Variants in RICTOR observed in about 807,000 individuals in gnomAD.
The protein encoded by RICTOR is rapamycin-insensitive companion of mTOR.
Under a neutral mutation model 214.9 loss-of-function variants are expected in RICTOR, and 49 were observed. That is an observed-to-expected ratio of 0.23 (90% CI 0.18 to 0.29). RICTOR has a LOEUF of 0.29. Ranked by LOEUF, RICTOR falls within the 10% of genes least tolerant of loss-of-function variation. The pLI, the probability that RICTOR is intolerant of heterozygous loss-of-function variation, is 1.00. For missense variants in RICTOR, 1,625 were observed against 2,047.0 expected (o/e 0.79, Z 3.98); for synonymous variants, 717 against 711.3 (o/e 1.01, Z -0.13).
At chr5:38,945,421 A>G in intron 34 of RICTOR, 70 bp downstream of exon 34, 1 of 1,074,390 alleles carries the variant, frequency 9.3e-7, no homozygotes, top group Non-Finnish European at 1.4e-6. Flanking sequence ...CCAAAAAGAA[A>G]TTTGGAAAAG....
chr5:39,030,710 C>T (rs1296313176), intron 2 of RICTOR, among the ~76,000 whole-genome samples: 1 of 152,098 alleles, frequency 6.6e-6, no homozygotes, highest in Non-Finnish European at 1.5e-5. Context: ...CTCTGCCACA[C>T]AGTAGGCTTT....
chr5:38,997,082 C>G (rs1225563719), intron 5 of RICTOR, among the ~76,000 whole-genome samples, 200 bp from the exon 6 acceptor site: 1 of 151,902 alleles, frequency 6.6e-6, no homozygotes, highest in Non-Finnish European at 1.5e-5. Context: ...TTTAAAAGAC[C>G]AATTTTTTCT....
chr5:38,946,662 G>A (rs1451874679), intron 32 of RICTOR, 110 bp from the exon 33 acceptor site: 1 of 665,946 alleles, frequency 1.5e-6, no homozygotes, highest in Non-Finnish European at 2.6e-6. Flanking sequence ...CATAGCATAT[G>A]AACCTATAAT....
intron 5 of RICTOR, 61 bp from the exon 6 acceptor site, chr5:38,996,943 C>T (rs2548796): frequency 0.029 from 32,420 of 1,115,092 alleles, 966 homozygotes; most frequent in African/African-American, 0.1. Context: ...TTTTGTATCA[C>T]AATACTGATA....
At chr5:39,027,112 A>T (rs2150144700) in intron 2 of RICTOR, among the ~76,000 whole-genome samples, 1 of 152,312 alleles carries the variant, frequency 6.6e-6, no homozygotes, top group African/African-American at 2.4e-5. Flanking sequence ...CAAGAGATTT[A>T]TTTTCTTGAC....
At chr5:39,034,816 A>G (rs187547740) in intron 2 of RICTOR, among the ~76,000 whole-genome samples, 7,469 of 152,316 alleles carry the variant, frequency 0.049, 344 homozygotes, top group African/African-American at 0.12. Flanking sequence ...AAAGCAGCCC[A>G]GAAGCTCGAA....
intron 5 of RICTOR, among the ~76,000 whole-genome samples, chr5:39,001,969 T>C (rs1444421521): frequency 6.6e-6 from 1 of 152,090 alleles, no homozygotes; most frequent in Admixed American, 6.5e-5. Flanking sequence ...TACATGTACC[T>C]TATAACCCAG....
chr5:39,062,664 C>T (rs1325430490), intron 2 of RICTOR, among the ~76,000 whole-genome samples: 1 of 152,124 alleles, frequency 6.6e-6, no homozygotes, highest in Non-Finnish European at 1.5e-5. Flanking sequence ...ATCTGACAAG[C>T]TGTTCCTTCT....
intron 11 of RICTOR, chr5:38,969,890 TCTC>T: frequency 6.6e-6 from 1 of 152,116 alleles, no homozygotes; most frequent in Admixed American, 6.6e-5. Context: ...ATGGTCTCGA[TCTC>T]CTGATCTCAT....
chr5:39,067,703 A>G (rs575535727), intron 2 of RICTOR, among the ~76,000 whole-genome samples: 1 of 152,318 alleles, frequency 6.6e-6, no homozygotes. Context: ...GCCACCTTTT[A>G]CACATTTATA....
intron 7 of RICTOR, among the ~76,000 whole-genome samples, chr5:38,983,610 G>A (rs1466747579): frequency 6.6e-6 from 1 of 152,140 alleles, no homozygotes; most frequent in Non-Finnish European, 1.5e-5. Context: ...AATTATCTAT[G>A]TATCTAGGCA....
chr5:39,030,712 G>T (rs1372779033), intron 2 of RICTOR, among the ~76,000 whole-genome samples: 1 of 152,120 alleles, frequency 6.6e-6, no homozygotes, highest in Non-Finnish European at 1.5e-5. Context: ...CTGCCACACA[G>T]TAGGCTTTCA....
At chr5:38,946,697 CAA>C (rs1314475982) in intron 32 of RICTOR, 145 bp from the exon 33 acceptor site, 4 of 588,990 alleles carry the variant, frequency 6.8e-6, no homozygotes, top group Non-Finnish European at 9.1e-6. Flanking sequence ...GTTCAACTAC[CAA>C]AACTTAACAA....
In RICTOR at chr5:38,939,468, A is replaced by G. The variant is rs1463785316; in HGVS notation, c.*2836T>C. On this transcript the variant is annotated 3_prime_UTR_variant, in exon 38 of 38. Coordinates refer to ENST00000357387, the MANE Select transcript of RICTOR (RefSeq NM_152756.5). ...GAGAACAGACTGTTTCCCCCTTCCA[A>G]TCTACCTAAGAATAAACAGGAAATA... 8.6e-6 allele frequency: 2 copies of G among 232,112 alleles called. No individual in the cohort carries two copies. Among genetic ancestry groups the G allele is most frequent in the African/African-American group, 4.4e-5 (2 of 45,286 alleles). 14.4% of individuals were successfully genotyped at this position (232,112 alleles called of 1,614,324 possible).
intron 23 of RICTOR, 41 bp downstream of exon 23, chr5:38,958,625 CA>C (rs747244184): frequency 3.9e-6 from 6 of 1,523,652 alleles, no homozygotes; most frequent in South Asian, 1.2e-5. Context: ...ATGAGTATTT[CA>C]AAAAAATTTA....
rs1747870541 is a variant in RICTOR at position 38,943,787 on chromosome 5, T to C, written c.4913+659A>G. 1.3e-5 allele frequency among the ~76,000 whole-genome samples: 2 copies of C among 152,104 alleles called. 1 individual carries two copies. The highest frequency in any genetic ancestry group is 4.1e-4 in the South Asian group (2 of 4,822). ...GAGATTGCACCACTGCACTCCAGCCTGGGTGACAGAGCAAGACTCCGTCTC... is the reference window on the plus strand; with the variant it reads ...GAGATTGCACCACTGCACTCCAGCCCGGGTGACAGAGCAAGACTCCGTCTC... On this transcript the variant is annotated intron_variant, in intron 36 of 37. Coordinates refer to ENST00000357387, the MANE Select transcript of RICTOR (RefSeq NM_152756.5).
In RICTOR at chr5:38,958,462, C is replaced by T. The variant is rs1189960227; in HGVS notation, c.2401G>A (p.Gly801Ser). The change falls in exon 24 of 38, where the codon GGT becomes AGT. Residue 801 changes from glycine to serine, a missense_variant. By Grantham distance (56) the Gly-to-Ser change is moderately conservative. This residue lies in a region of RICTOR where 1,214 missense variants were observed against 1,470.5 expected (regional missense o/e 0.83). Coordinates refer to ENST00000357387, the MANE Select transcript of RICTOR (RefSeq NM_152756.5). ...ATTTACCTCAGCAGGAGAAGCAAACCCTTGTCTCCAAGGTGGGATAACGCT... is the reference window on the plus strand; with the variant it reads ...ATTTACCTCAGCAGGAGAAGCAAACTCTTGTCTCCAAGGTGGGATAACGCT... The part of the protein sequence containing the change: ...KPALSHLGDK[G>S]LLLLLRFLSI... 2.5e-6 allele frequency: 4 copies of T among 1,609,936 alleles called. No individual in the cohort carries two copies. The highest frequency in any genetic ancestry group is 2.5e-6 in the Non-Finnish European group (3 of 1,176,562).
intron 2 of RICTOR, among the ~76,000 whole-genome samples, chr5:39,024,521 C>A (rs1221683928): frequency 6.6e-6 from 1 of 152,128 alleles, no homozygotes; most frequent in Non-Finnish European, 1.5e-5. Context: ...TTGAGAAGTT[C>A]ATAAAAATTT....
intron 7 of RICTOR, among the ~76,000 whole-genome samples, 167 bp downstream of exon 7, chr5:38,990,782 A>ATATATATCATATATAT (rs1561503147): frequency 3.9e-4 from 42 of 106,940 alleles, no homozygotes; most frequent in African/African-American, 5.7e-4. Context: ...GATATATATG[A>ATATATATCATATATAT]GATATATGAG....
Sources: gnomAD v4.1 joint callset for allele counts (sites outside exome capture counted in the v4.1 genomes callset) on GRCh38, gnomAD v4.1.1 for gene constraint, gnomAD v4.1.1 regional missense constraint, MANE v1.5 for transcripts, NCBI Gene and HGNC (gene_info 2026-07-23, HGNC 2026-07-21) for gene names.